Variants in NWD2 observed in about 807,000 individuals in gnomAD.
NWD2 encodes the protein NACHT and WD repeat domain-containing protein 2.
In NWD2, 37 loss-of-function variants were observed where a neutral mutation model predicts 132.7. The ratio of observed to expected loss-of-function variants is 0.28; its 90% CI spans 0.21 to 0.37. NWD2 has a LOEUF of 0.37. NWD2 is among the 10% of genes least tolerant of loss of function. NWD2 has a pLI of 1.00. For synonymous variants in NWD2, 705 were observed against 803.0 expected (o/e 0.88, Z 2.06); for missense variants, 1,592 against 2,122.4 (o/e 0.75, Z 4.91).
In NWD2 at chr4:37,443,647, G is replaced by A; in HGVS notation, c.1659G>A (p.Leu553=). ...CGCTGCCCAACAAACATGGGATCTT[G>A]CAGAAACTAAGGTGCCTTATCCATG... ...LSTLPNKHGI[L]QKLRCLIHEE... The change falls in exon 7 of 7, where the codon TTG becomes TTA. Residue 553 remains leucine, a synonymous_variant. Transcript: ENST00000309447. This position sits in a 1 kb window ranked among gnomAD's most constrained non-coding sequence, Gnocchi z 4.1. 1 of 1,552,048 alleles carries A rather than the reference G, an allele frequency of 6.4e-7. No homozygotes were observed. Among genetic ancestry groups the A allele is most frequent in the East Asian group, 2.4e-5 (1 of 40,918 alleles).
chr4:37,439,198 A>ACT lies in NWD2; in HGVS notation c.1107_1108dup (p.Tyr370SerfsTer26). 2 of 1,550,390 alleles carry ACT rather than the reference A, an allele frequency of 1.3e-6. No homozygotes were observed. Among genetic ancestry groups the ACT allele is most frequent in the Non-Finnish European group, 1.7e-6 (2 of 1,146,438 alleles). On this transcript the variant is annotated frameshift_variant, in exon 6 of 7. Coordinates refer to ENST00000309447, the MANE Select transcript of NWD2 (RefSeq NM_001144990.2). LOFTEE classifies it high-confidence loss of function. This position sits in a 1 kb window ranked among gnomAD's most constrained non-coding sequence, Gnocchi z 4.5. ...AGAATTTTGACACTGAAACTGATACACTCTATGATGAAATCCTTCAACATT... is the reference window on the plus strand; with the variant it reads ...AGAATTTTGACACTGAAACTGATACACTCTCTATGATGAAATCCTTCAACATT...
chr4:37,328,490 C>T (rs532049622), intron 2 of NWD2, among the ~76,000 whole-genome samples: 55 of 151,758 alleles, frequency 3.6e-4, no homozygotes, highest in African/African-American at 1.2e-3. Flanking sequence ...TGAGAACATA[C>T]GGTGTTTGGT....
At chr4:37,303,711 G>A (rs182943135) in intron 1 of NWD2, among the ~76,000 whole-genome samples, 4 of 151,956 alleles carry the variant, frequency 2.6e-5, no homozygotes, top group Non-Finnish European at 4.4e-5. Context: ...TTACAAATGC[G>A]ATTGATTTCT....
At chr4:37,311,908 T>G in intron 1 of NWD2, among the ~76,000 whole-genome samples, 1 of 151,622 alleles carries the variant, frequency 6.6e-6, no homozygotes, top group Non-Finnish European at 1.5e-5. Context: ...TTGCTTGTTT[T>G]TGTCAGGTTT....
At chr4:37,337,561 G>C (rs1485132070) in intron 2 of NWD2, among the ~76,000 whole-genome samples, 7 of 152,224 alleles carry the variant, frequency 4.6e-5, no homozygotes, top group African/African-American at 1.7e-4. Context: ...ATCCTGGGCA[G>C]AGGTGTCTCC....
chr4:37,358,534 A>G (rs182623175), intron 3 of NWD2, among the ~76,000 whole-genome samples: 3 of 152,250 alleles, frequency 2.0e-5, no homozygotes, highest in South Asian at 2.1e-4. Flanking sequence ...GTTAAAGGAT[A>G]TATAGCTTCC....
chr4:37,378,247 A>G (rs925132573), intron 3 of NWD2, among the ~76,000 whole-genome samples: 2 of 145,810 alleles, frequency 1.4e-5, no homozygotes, highest in Non-Finnish European at 3.0e-5. Flanking sequence ...GATTTGGAAA[A>G]CATTATTCTG....
At chr4:37,405,511 C>T (rs1720986213) in intron 3 of NWD2, among the ~76,000 whole-genome samples, 1 of 151,554 alleles carries the variant, frequency 6.6e-6, no homozygotes, top group South Asian at 2.1e-4. Context: ...GGGCGAATTG[C>T]ATGTAATAAA....
At chr4:37,355,774 C>T (rs1412757714) in intron 2 of NWD2, among the ~76,000 whole-genome samples, 7 of 152,136 alleles carry the variant, frequency 4.6e-5, no homozygotes, top group African/African-American at 1.7e-4. Context: ...TTCTGTAAGG[C>T]ATACCTTTCA....
intron 2 of NWD2, among the ~76,000 whole-genome samples, chr4:37,346,048 C>T (rs1401040554): frequency 6.7e-6 from 1 of 150,082 alleles, no homozygotes; most frequent in Admixed American, 6.6e-5. Context: ...TGCCACTGCA[C>T]TCCAGCCTGG....
In NWD2 at chr4:37,249,710, A is replaced by G. The variant is rs529414833; in HGVS notation, c.151+4492A>G. Among the ~76,000 whole-genome samples the G allele has an allele frequency of 2.1e-4, 32 of 152,354 alleles. 1 individual carries two copies. The South Asian group carries it at 6.6e-3, about 32-fold the overall frequency. ...TGGAGAAAAATATATTTTAACACTT[A>G]ATGCATTTTTCTGTCCACTCAGATT... is the stretch of plus-strand genomic sequence containing the variant. On this transcript the variant is annotated intron_variant, in intron 1 of 6. Coordinates refer to ENST00000309447, the MANE Select transcript of NWD2 (RefSeq NM_001144990.2).
chr4:37,257,568 T>C (rs1717545294), intron 1 of NWD2, among the ~76,000 whole-genome samples: 1 of 152,122 alleles, frequency 6.6e-6, no homozygotes, highest in Admixed American at 6.5e-5. Flanking sequence ...AAATTATAGG[T>C]CAGAATTTGT....
chr4:37,344,724 C>G (rs1223721374), intron 2 of NWD2, among the ~76,000 whole-genome samples: 1 of 152,098 alleles, frequency 6.6e-6, no homozygotes, highest in African/African-American at 2.4e-5. Context: ...AGATATAATT[C>G]ACATGTAAAA....
At chr4:37,253,699 G>A (rs1342296926) in intron 1 of NWD2, among the ~76,000 whole-genome samples, 9 of 152,190 alleles carry the variant, frequency 5.9e-5, no homozygotes, top group Non-Finnish European at 1.0e-4. Flanking sequence ...ACATCCGTAA[G>A]GTAAGTTCTT....
At chr4:37,392,611 G>A (rs1720699674) in intron 3 of NWD2, among the ~76,000 whole-genome samples, 1 of 151,788 alleles carries the variant, frequency 6.6e-6, no homozygotes. Flanking sequence ...AGAATGTTTT[G>A]GAGTACAGTT....
rs932909437 is a variant in NWD2, at chr4:37,342,072, A to G, written c.241-14294A>G. On this transcript the variant is annotated intron_variant, in intron 2 of 6. Transcript: ENST00000309447. The stretch of plus-strand genomic sequence containing the variant: ...TCACTCAGGCACTGATACGGTTTGG[A>G]TGTTTATCCCCTCCAAATCTCATGT... Among the ~76,000 whole-genome samples the G allele has an allele frequency of 4.6e-5, 7 of 152,102 alleles. 1 individual carries two copies. The South Asian group carries it at 1.4e-3, about 31-fold the overall frequency.
At chr4:37,356,026 C>T (rs2109300626) in intron 2 of NWD2, among the ~76,000 whole-genome samples, 1 of 152,166 alleles carries the variant, frequency 6.6e-6, no homozygotes, top group East Asian at 1.9e-4. Flanking sequence ...TTAATTGTCT[C>T]AAGTACTATG....
At chr4:37,284,138 C>T (rs981603060) in intron 1 of NWD2, among the ~76,000 whole-genome samples, 5 of 151,980 alleles carry the variant, frequency 3.3e-5, no homozygotes, top group African/African-American at 4.8e-5. Context: ...TCACAGTTGC[C>T]GAGACTGGGA....
chr4:37,305,642 T>C (rs1243552566), intron 1 of NWD2, among the ~76,000 whole-genome samples: 1 of 152,250 alleles, frequency 6.6e-6, no homozygotes, highest in Non-Finnish European at 1.5e-5. Flanking sequence ...GATATGCATG[T>C]GTTGAAACAT....
Sources: gnomAD v4.1 joint callset for allele counts (sites outside exome capture counted in the v4.1 genomes callset) on GRCh38, gnomAD v4.1.1 for gene constraint, Gnocchi (gnomAD v3.1) non-coding constraint, MANE v1.5 for transcripts, NCBI Gene and HGNC (gene_info 2026-07-23, HGNC 2026-07-21) for gene names.